The following TTC21B variants were observed in gnomAD, a reference collection of about 807,000 sequenced individuals.
TTC21B encodes the protein tetratricopeptide repeat domain 21B, also known as tetratricopeptide repeat protein 21B.
A neutral mutation model predicts 175.1 loss-of-function variants in TTC21B; 127 were observed. The ratio of observed to expected loss-of-function variants is 0.73; its 90% CI spans 0.63 to 0.84. The LOEUF (loss-of-function observed/expected upper bound fraction) is 0.84. TTC21B is among the 40% of genes least tolerant of loss of function. The pLI, the probability that TTC21B is intolerant of heterozygous loss-of-function variation, is 0.00. For missense variants in TTC21B, 1,561 were observed against 1,558.3 expected (o/e 1.00, Z -0.03); for synonymous variants, 524 against 524.5 (o/e 1.00, Z 0.01).
chr2:165,890,216 G>T (rs1460324658), intron 24 of TTC21B, among the ~76,000 whole-genome samples: 1 of 152,160 alleles, frequency 6.6e-6, no homozygotes, highest in Non-Finnish European at 1.5e-5. Flanking sequence ...TTCATAGCAT[G>T]TCTATTATTA....
At chr2:165,895,121 TTA>T (rs1289058315) in intron 22 of TTC21B, among the ~76,000 whole-genome samples, 1 of 152,054 alleles carries the variant, frequency 6.6e-6, no homozygotes, top group African/African-American at 2.4e-5. Context: ...ATATTTTAGA[TTA>T]TGTGTTTGGA....
intron 14 of TTC21B, 49 bp from the exon 15 acceptor site, chr2:165,915,488 T>G: frequency 7.3e-7 from 1 of 1,363,680 alleles, no homozygotes; most frequent in Non-Finnish European, 1.1e-6. Flanking sequence ...AGTGAACAAA[T>G]AACACTAGAA....
chr2:165,932,728 A>C lies in TTC21B; in HGVS notation c.795+245T>G, dbSNP rs532096890. 9.8e-4 allele frequency among the ~76,000 whole-genome samples: 149 copies of C among 152,244 alleles called. 1 individual carries two copies. Among genetic ancestry groups the C allele is most frequent in the Non-Finnish European group, 1.6e-3 (109 of 68,006 alleles). On this transcript the variant is annotated intron_variant, in intron 7 of 28. Transcript: ENST00000243344. ...CATACAGAAAGCCATATATACTATA[A>C]TTAATGATTTAAGGGATTTTCAAGG...
intron 19 of TTC21B, among the ~76,000 whole-genome samples, chr2:165,902,685 T>C (rs1481717570): frequency 6.6e-6 from 1 of 152,238 alleles, no homozygotes. Context: ...TGTACCTTTA[T>C]GTGTTTTAGA....
chr2:165,912,725 A>T (rs995121771), intron 16 of TTC21B, 101 bp from the exon 17 acceptor site: 2 of 895,992 alleles, frequency 2.2e-6, no homozygotes, highest in Non-Finnish European at 3.7e-6. Context: ...TTGTAATATT[A>T]CATAAGACTT....
intron 6 of TTC21B, among the ~76,000 whole-genome samples, chr2:165,936,878 A>G (rs1481306078): frequency 6.6e-6 from 1 of 152,006 alleles, no homozygotes; most frequent in Non-Finnish European, 1.5e-5. Flanking sequence ...ACATTTTTGG[A>G]AGACAGTTTG....
chr2:165,949,414 T>A lies in TTC21B; in HGVS notation c.242A>T (p.His81Leu). Residue 81 changes from histidine (H) to leucine (L), a missense_variant, in exon 3 of 29, where the codon CAT becomes CTT. Transcript: ENST00000243344. ...CATACCTGGATTAGGACTCATTTTA[T>A]GGGCATATATCAGTGCAAGTAGAGA... is the stretch of plus-strand genomic sequence containing the variant. ...LCSLLALIYA[H>L]KMSPNPDREA... 3 of 1,612,492 alleles carry A rather than the reference T, an allele frequency of 1.9e-6. No individual in the cohort carries two copies. Among genetic ancestry groups the A allele is most frequent in the Non-Finnish European group, 2.5e-6 (3 of 1,178,606 alleles).
chr2:165,915,112 A>G, intron 15 of TTC21B, 89 bp downstream of exon 15: 1 of 1,020,772 alleles, frequency 9.8e-7, no homozygotes, highest in Non-Finnish European at 1.5e-6. Context: ...AGTATTTGTG[A>G]AGCAGTTGAA....
At chr2:165,878,546 ATG>A (rs1022208815) in intron 27 of TTC21B, among the ~76,000 whole-genome samples, 10 of 146,620 alleles carry the variant, frequency 6.8e-5, no homozygotes, top group East Asian at 6.1e-4. Flanking sequence ...GTGTAGATAT[ATG>A]TGTGTGTGTG....
intron 21 of TTC21B, among the ~76,000 whole-genome samples, chr2:165,899,387 G>GT (rs1054871491): frequency 1.8e-4 from 28 of 151,832 alleles, no homozygotes; most frequent in Admixed American, 3.3e-4. Flanking sequence ...ATATGAAGTT[G>GT]TTTTTTTTCC....
In TTC21B at chr2:165,880,888, A is replaced by C. The variant is rs1440641795; in HGVS notation, c.3685-89T>G. The stretch of plus-strand genomic sequence containing the variant: ...TGTGACTATAGAGGTCAATCATATC[A>C]ACCCATTTAAATGACAAATCAAACA... On this transcript the variant is annotated intron_variant, in intron 26 of 28. Coordinates refer to ENST00000243344, the MANE Select transcript of TTC21B (RefSeq NM_024753.5). The C allele has an allele frequency of 2.2e-6, 3 of 1,347,082 alleles. No individual in the cohort carries two copies. In the African/African-American group the frequency reaches 4.3e-5, roughly 19 times the overall value. The allele number at this position is 1,347,082 out of a possible 1,614,324, so 83.4% of individuals were successfully genotyped here.
chr2:165,920,846 T>C (rs1187208248), intron 12 of TTC21B, among the ~76,000 whole-genome samples: 2 of 129,920 alleles, frequency 1.5e-5, no homozygotes, highest in East Asian at 2.3e-4. Flanking sequence ...TTGAGGAAAA[T>C]AGACCCTGTC....
intron 26 of TTC21B, 60 bp downstream of exon 26, chr2:165,883,734 C>T: frequency 1.5e-6 from 2 of 1,318,806 alleles, no homozygotes; most frequent in Non-Finnish European, 2.2e-6. Context: ...TCAACAATAT[C>T]TATATGGAAA....
At chr2:165,920,694 A>C (rs892482261) in intron 12 of TTC21B, among the ~76,000 whole-genome samples, 3 of 137,634 alleles carry the variant, frequency 2.2e-5, no homozygotes, top group Admixed American at 1.5e-4. Context: ...AACAGAAATG[A>C]GAATCTTTGT....
Position 165,949,805 on chromosome 2 carries a change from T to A in TTC21B, c.22-81A>T, listed in dbSNP as rs566437771. On this transcript the variant is annotated intron_variant, in intron 1 of 28. Coordinates refer to ENST00000243344, the MANE Select transcript of TTC21B (RefSeq NM_024753.5). ...CTAAGAAGCAGATAATAATCTAACA[T>A]CTAGAATAATGTAAAATTCAGGCAA... The A allele has an allele frequency of 5.2e-4, 725 of 1,388,668 alleles. 2 individuals are homozygous for A. Among genetic ancestry groups the A allele is most frequent in the Admixed American group, 9.7e-4 (52 of 53,834 alleles). The allele number at this position is 1,388,668 out of a possible 1,614,324, so 86.0% of individuals were successfully genotyped here.
intron 6 of TTC21B, among the ~76,000 whole-genome samples, chr2:165,938,971 T>C (rs1190633426): frequency 6.6e-6 from 1 of 152,228 alleles, no homozygotes; most frequent in Admixed American, 6.5e-5. Flanking sequence ...TTATATGTGA[T>C]AATGATATTG....
At chr2:165,875,272 GTT>G (rs5836060) in intron 28 of TTC21B, among the ~76,000 whole-genome samples, 1,908 of 150,132 alleles carry the variant, frequency 0.013, 49 homozygotes, top group African/African-American at 0.044. Context: ...GGAGATGCTA[GTT>G]TTTTTTTTTA....
intron 4 of TTC21B, among the ~76,000 whole-genome samples, chr2:165,943,749 C>T (rs76641625): frequency 7.2e-5 from 11 of 152,012 alleles, no homozygotes; most frequent in Admixed American, 5.9e-4. Context: ...ACAGAAGAAG[C>T]CTTGCTTCAC....
intron 3 of TTC21B, chr2:165,947,690 C>A (rs756151298): frequency 1.3e-5 from 2 of 152,106 alleles, no homozygotes; most frequent in Non-Finnish European, 2.9e-5. Flanking sequence ...TGAAAGATCG[C>A]AGCCTTTTTA....
Sources: gnomAD v4.1 joint callset for allele counts (sites outside exome capture counted in the v4.1 genomes callset) on GRCh38, gnomAD v4.1.1 for gene constraint, MANE v1.5 for transcripts, NCBI Gene and HGNC (gene_info 2026-07-23, HGNC 2026-07-21) for gene names.